Variants in ALPK1 observed in about 807,000 individuals in gnomAD.
The protein encoded by ALPK1 is alpha-protein kinase 1.
In ALPK1, 110 loss-of-function variants were observed where a neutral mutation model predicts 120.6. The observed-to-expected ratio is 0.91, with a 90% CI of 0.78 to 1.07. ALPK1 has a LOEUF of 1.07. Ranked by LOEUF, ALPK1 falls within the 50% of genes least tolerant of loss-of-function variation. The probability of loss-of-function intolerance (pLI) is 0.00; values close to 1 mark genes in which losing one functional copy is unlikely to be tolerated. For missense variants in ALPK1, 1,498 were observed against 1,483.9 expected (o/e 1.01, Z -0.16); for synonymous variants, 582 against 560.3 (o/e 1.04, Z -0.55).
At chr4:112,392,346 A>G (rs1732456328) in intron 4 of ALPK1, among the ~76,000 whole-genome samples, 1 of 151,830 alleles carries the variant, frequency 6.6e-6, no homozygotes, top group Admixed American at 6.6e-5. Context: ...CTTCCCCCCA[A>G]CCCTCATATC....
At chr4:112,316,309 A>C (rs936439080) in intron 2 of ALPK1, 4 of 152,140 alleles carry the variant, frequency 2.6e-5, no homozygotes, top group Non-Finnish European at 1.5e-5. Context: ...TCCTTTTGTG[A>C]CTGGCTTCTG....
rs556088097 is a variant in ALPK1, at chr4:112,331,452, C to G, written c.-101+15600C>G. The stretch of plus-strand genomic sequence containing the variant: ...TCAATTTTCTCATCATCTAACCCAA[C>G]CTTTCAGCTCTGTCTTTGAATTGCA... On this transcript the variant is annotated intron_variant, in intron 2 of 15. Coordinates refer to ENST00000650871, the MANE Select transcript of ALPK1 (RefSeq NM_025144.4). Among the ~76,000 whole-genome samples, 11 of 152,308 alleles carry G rather than the reference C, an allele frequency of 7.2e-5. No individual in the cohort carries two copies. The East Asian group carries it at 1.7e-3, about 24-fold the overall frequency.
Position 112,313,839 on chromosome 4 carries a change from G to A in ALPK1, c.-152-1962G>A, listed in dbSNP as rs189671357. Reference sequence around the variant, plus strand: ...TGGGACAAAAGTCTAATTAGAATGCGTTTAAAAGAGAATGGGAAGAGAGAG... The same window carrying A: ...TGGGACAAAAGTCTAATTAGAATGCATTTAAAAGAGAATGGGAAGAGAGAG... On this transcript the variant is annotated intron_variant, in intron 1 of 15. Coordinates refer to ENST00000650871, the MANE Select transcript of ALPK1 (RefSeq NM_025144.4). 7.9e-5 allele frequency among the ~76,000 whole-genome samples: 12 copies of A among 152,314 alleles called. No homozygotes were observed. In the East Asian group the frequency reaches 1.2e-3, roughly 15 times the overall value.
chr4:112,381,182 TA>T (rs1420050906), intron 3 of ALPK1, among the ~76,000 whole-genome samples: 1 of 152,176 alleles, frequency 6.6e-6, no homozygotes, highest in East Asian at 1.9e-4. Flanking sequence ...AGGCAAGAAT[TA>T]CTGCCAAGGA....
chr4:112,356,413 A>C (rs1730615119), intron 2 of ALPK1: 4 of 861,066 alleles, frequency 4.6e-6, no homozygotes, highest in Admixed American at 3.4e-5. Context: ...GCTGCTGCTG[A>C]TAATGGAGAC....
At chr4:112,356,714 G>T in intron 2 of ALPK1, 1 of 967,350 alleles carries the variant, frequency 1.0e-6, no homozygotes. Flanking sequence ...GGACATCGAG[G>T]ACTTGGTCAA....
rs1260032312 is a variant in ALPK1, at chr4:112,442,488, G to A, written c.*1278G>A. 1.3e-5 allele frequency: 2 copies of A among 152,068 alleles called. No homozygotes were observed. The highest frequency in any genetic ancestry group is 1.5e-5 in the Non-Finnish European group (1 of 68,034). 9.4% of individuals were successfully genotyped at this position (152,068 alleles called of 1,614,324 possible). ...AGAGGGTGGACAGTGGGAGGAGGGA[G>A]AGGATCAGGAAAAATAACTAATGGG... On this transcript the variant is annotated 3_prime_UTR_variant, in exon 16 of 16. Coordinates refer to ENST00000650871, the MANE Select transcript of ALPK1 (RefSeq NM_025144.4).
chr4:112,424,567 A>C (rs1354733377), intron 6 of ALPK1, among the ~76,000 whole-genome samples: 3 of 152,238 alleles, frequency 2.0e-5, no homozygotes, highest in African/African-American at 7.2e-5. Flanking sequence ...CTGGGCATTT[A>C]AGTTAGCAAG....
intron 2 of ALPK1, among the ~76,000 whole-genome samples, chr4:112,346,991 C>A (rs1292480031): frequency 1.3e-5 from 2 of 152,196 alleles, no homozygotes; most frequent in Non-Finnish European, 2.9e-5. Context: ...ACCACTTAGA[C>A]CTCATCAGTT....
chr4:112,417,320 A>C (rs533097584), intron 5 of ALPK1, among the ~76,000 whole-genome samples: 3 of 152,352 alleles, frequency 2.0e-5, no homozygotes, highest in African/African-American at 7.2e-5. Flanking sequence ...ACATTTAGCC[A>C]TATAAGATTA....
At chr4:112,386,331 C>T (rs758769430) in intron 4 of ALPK1, among the ~76,000 whole-genome samples, 2 of 152,090 alleles carry the variant, frequency 1.3e-5, no homozygotes, top group African/African-American at 2.4e-5. Flanking sequence ...AGAGTTTGTC[C>T]GCGCTCTCCC....
At chr4:112,409,191 T>C (rs1014501147) in intron 4 of ALPK1, among the ~76,000 whole-genome samples, 1 of 152,136 alleles carries the variant, frequency 6.6e-6, no homozygotes, top group Non-Finnish European at 1.5e-5. Context: ...GTAGCTACTC[T>C]CAATCCAGTG....
intron 12 of ALPK1, among the ~76,000 whole-genome samples, chr4:112,436,328 C>T (rs1185569439): frequency 6.6e-6 from 1 of 152,170 alleles, no homozygotes; most frequent in Non-Finnish European, 1.5e-5. Context: ...GATGAGGGAA[C>T]TGAGTCACAG....
chr4:112,327,349 A>T (rs1729158081), intron 2 of ALPK1, among the ~76,000 whole-genome samples: 1 of 152,240 alleles, frequency 6.6e-6, no homozygotes, highest in Non-Finnish European at 1.5e-5. Flanking sequence ...GTAAGTTGAT[A>T]GCAAGCTAAG....
intron 2 of ALPK1, among the ~76,000 whole-genome samples, chr4:112,369,350 G>A (rs1197290848): frequency 3.3e-5 from 5 of 152,174 alleles, no homozygotes; most frequent in Admixed American, 6.5e-5. Flanking sequence ...CAGTGCAAGA[G>A]GCAATATGGT....
At chr4:112,414,614 A>AC (rs1405692254) in intron 5 of ALPK1, 1 of 176,618 alleles carries the variant, frequency 5.7e-6, no homozygotes, top group Non-Finnish European at 1.2e-5. Flanking sequence ...GTCTCAAAAA[A>AC]AAAAAAAGAG....
chr4:112,356,866 C>T, intron 2 of ALPK1: 2 of 738,484 alleles, frequency 2.7e-6, no homozygotes, highest in South Asian at 2.7e-5. Flanking sequence ...AGGGGACGGT[C>T]GTGATCTTTG....
chr4:112,359,532 C>A, intron 2 of ALPK1: 2 of 252,450 alleles, frequency 7.9e-6, no homozygotes, highest in East Asian at 9.7e-5. Context: ...GCCAGGACCC[C>A]AAGAGGAGAG....
chr4:112,435,236 G>GA lies in ALPK1; in HGVS notation c.3129dup (p.Gly1044ArgfsTer27). On this transcript the variant is annotated frameshift_variant, in exon 12 of 16. Coordinates refer to ENST00000650871, the MANE Select transcript of ALPK1 (RefSeq NM_025144.4). LOFTEE classifies it high-confidence loss of function. ...ATTTGGGGGACTACTTGACTGTGAA[G>GA]AAAAAAGGCAGACAAAGAAATGCTT... The GA allele has an allele frequency of 6.2e-7, 1 of 1,613,084 alleles. No homozygotes were observed. Among genetic ancestry groups the GA allele is most frequent in the Non-Finnish European group, 8.5e-7 (1 of 1,179,638 alleles).
Sources: allele counts gnomAD v4.1 joint callset (sites outside exome capture counted in the v4.1 genomes callset), GRCh38; gene constraint gnomAD v4.1.1; transcripts MANE v1.5; gene names NCBI Gene and HGNC (gene_info 2026-07-23, HGNC 2026-07-21).